Variants in CACNA1C observed in about 807,000 individuals in gnomAD.
CACNA1C encodes voltage-dependent L-type calcium channel subunit alpha-1C.
Under a neutral mutation model 229.0 loss-of-function variants are expected in CACNA1C, and 30 were observed. That is an observed-to-expected ratio of 0.13 (90% CI 0.10 to 0.18). The LOEUF is 0.18. CACNA1C is among the 10% of genes least tolerant of loss of function. The pLI, the probability that CACNA1C is intolerant of heterozygous loss-of-function variation, is 1.00. For synonymous variants in CACNA1C, 1,114 were observed against 1,132.5 expected (o/e 0.98, Z 0.33); for missense variants, 1,658 against 2,845.0 (o/e 0.58, Z 9.49).
chr12:2,017,776 T>TCCA (rs1343565459), intron 1 of CACNA1C, among the ~76,000 whole-genome samples: 1 of 152,146 alleles, frequency 6.6e-6, no homozygotes, highest in Non-Finnish European at 1.5e-5. Context: ...TGCCTTGTGC[T>TCCA]CCATCAGAGT....
At position 2,677,750 on chromosome 12, in the gene CACNA1C, G is replaced by C. The variant is rs767524481; in HGVS notation, c.4974G>C (p.Leu1658=). 2.5e-6 allele frequency: 4 copies of C among 1,613,650 alleles called. No homozygotes were observed. The highest frequency in any genetic ancestry group is 1.1e-5 in the South Asian group (1 of 90,986). ...GATTCCAGGCTGGCTTGCGCACACT[G>C]CATGACATCGGGCCTGAGATCCGAC... is the stretch of plus-strand genomic sequence containing the variant. ...ALSLQAGLRT[L]HDIGPEIRRA... is the part of the protein sequence containing the mutation. The change falls in exon 41 of 47, where the codon CTG becomes CTC. Residue 1658 remains leucine, a synonymous_variant. Coordinates refer to ENST00000399655, the MANE Select transcript of CACNA1C (RefSeq NM_000719.7). The surrounding 1 kb of genome is among the most constrained non-coding windows in gnomAD (Gnocchi z 7.4).
chr12:2,674,475 C>T, intron 38 of CACNA1C, 66 bp from the exon 39 acceptor site: 1 of 1,521,834 alleles, frequency 6.6e-7, no homozygotes, highest in Non-Finnish European at 8.9e-7. Context: ...GGCTTCCTAC[C>T]TTACGCAGAG....
intron 7 of CACNA1C, among the ~76,000 whole-genome samples, chr12:2,500,805 G>A (rs1448238700): frequency 6.6e-6 from 1 of 152,166 alleles, no homozygotes; most frequent in East Asian, 1.9e-4. Context: ...CAGGGTGCCG[G>A]CGTGCCCTCG....
chr12:2,282,393 G>A (rs987548539), intron 3 of CACNA1C, among the ~76,000 whole-genome samples: 3 of 152,208 alleles, frequency 2.0e-5, no homozygotes, highest in East Asian at 1.9e-4. Flanking sequence ...AGGGCTGAAC[G>A]CCCGGATTTC....
chr12:2,416,899 G>A (rs749748834), intron 3 of CACNA1C, among the ~76,000 whole-genome samples: 6 of 152,174 alleles, frequency 3.9e-5, no homozygotes, highest in Admixed American at 6.5e-5. Context: ...GGCCGGATTC[G>A]AACCCAGCTC....
At chr12:2,129,459 C>G (rs1379408913) in intron 3 of CACNA1C, among the ~76,000 whole-genome samples, 1 of 152,172 alleles carries the variant, frequency 6.6e-6, no homozygotes. Context: ...ATGGTGACAC[C>G]TCTTGCTCCA....
chr12:2,648,803 T>C (rs1165793295), intron 31 of CACNA1C, among the ~76,000 whole-genome samples: 2 of 152,180 alleles, frequency 1.3e-5, no homozygotes, highest in Non-Finnish European at 2.9e-5. Flanking sequence ...CATTTCCTGT[T>C]AAACACCCTG....
chr12:2,541,465 C>T (rs1414589845), intron 9 of CACNA1C, among the ~76,000 whole-genome samples: 2 of 152,284 alleles, frequency 1.3e-5, no homozygotes, highest in Admixed American at 6.5e-5. Context: ...CCTGGAGTGC[C>T]GGGAAGCCTG....
At chr12:2,222,566 C>A (rs2061742722) in intron 3 of CACNA1C, 1 of 152,172 alleles carries the variant, frequency 6.6e-6, no homozygotes, top group Admixed American at 6.5e-5. Context: ...GGGCCCAAGT[C>A]TTTGACATGG....
At chr12:2,527,536 T>C (rs1036580664) in intron 9 of CACNA1C, among the ~76,000 whole-genome samples, 1 of 152,184 alleles carries the variant, frequency 6.6e-6, no homozygotes, top group African/African-American at 2.4e-5. Context: ...TGTCAGTTAT[T>C]ATGTTAACAA....
intron 2 of CACNA1C, 84 bp downstream of exon 2, chr12:2,115,629 G>T: frequency 7.5e-7 from 1 of 1,340,518 alleles, no homozygotes; most frequent in South Asian, 1.2e-5. Context: ...GCCACGAGCT[G>T]TGTCAGCTGT....
intron 3 of CACNA1C, among the ~76,000 whole-genome samples, chr12:2,340,476 A>T (rs1432114966): frequency 6.6e-6 from 1 of 152,218 alleles, no homozygotes; most frequent in Admixed American, 6.5e-5. Flanking sequence ...TGAACCCACA[A>T]TTACTCTTCT....
intron 13 of CACNA1C, among the ~76,000 whole-genome samples, chr12:2,578,022 CCACA>C (rs2059130172): frequency 6.6e-6 from 1 of 151,436 alleles, no homozygotes; most frequent in Non-Finnish European, 1.5e-5. Flanking sequence ...GCGCCCGCTA[CCACA>C]CCCGGCTAAT....
At chr12:2,222,436 G>A (rs2061702972) in intron 3 of CACNA1C, 1 of 152,240 alleles carries the variant, frequency 6.6e-6, no homozygotes, top group Non-Finnish European at 1.5e-5. Context: ...ATTTGCAGTG[G>A]GAATGAATGG....
intron 34 of CACNA1C, chr12:2,661,061 C>T (rs2095691329): frequency 6.6e-6 from 1 of 151,940 alleles, no homozygotes; most frequent in South Asian, 2.1e-4. Context: ...AGTATGAGAC[C>T]AGCCTGAGCA....
At chr12:2,515,306 G>A (rs1568159864) in intron 9 of CACNA1C, among the ~76,000 whole-genome samples, 1 of 152,322 alleles carries the variant, frequency 6.6e-6, no homozygotes, top group Admixed American at 6.5e-5. Context: ...CCAATTAAAA[G>A]TAGAATTGAT....
At chr12:2,013,785 C>T (rs2044843829) in intron 1 of CACNA1C, among the ~76,000 whole-genome samples, 2 of 152,144 alleles carry the variant, frequency 1.3e-5, no homozygotes, top group South Asian at 4.1e-4. Flanking sequence ...TTTCTTATCT[C>T]TAATAAGGAG....
chr12:2,274,729 C>T (rs938320052), intron 3 of CACNA1C, among the ~76,000 whole-genome samples: 2 of 152,206 alleles, frequency 1.3e-5, no homozygotes, highest in Non-Finnish European at 1.5e-5. Flanking sequence ...GGGATTTACA[C>T]CTAGGGCTGT....
intron 1 of CACNA1C, among the ~76,000 whole-genome samples, chr12:2,056,894 A>G (rs1047384727): frequency 3.3e-5 from 5 of 152,242 alleles, no homozygotes; most frequent in Non-Finnish European, 7.3e-5. Flanking sequence ...GTGTGTATAC[A>G]TACACACATG....
Sources: gnomAD v4.1 joint callset for allele counts (sites outside exome capture counted in the v4.1 genomes callset) on GRCh38, gnomAD v4.1.1 for gene constraint, Gnocchi (gnomAD v3.1) non-coding constraint, MANE v1.5 for transcripts, NCBI Gene and HGNC (gene_info 2026-07-23, HGNC 2026-07-21) for gene names.